LDAH: variants seen among roughly 807,000 people sequenced by gnomAD.
The protein encoded by LDAH is lipid droplet-associated hydrolase.
A neutral mutation model predicts 29.6 loss-of-function variants in LDAH; 26 were observed. The observed-to-expected ratio is 0.88, with a 90% CI of 0.64 to 1.22. LDAH has a LOEUF of 1.22. Among genes scored for constraint, LDAH ranks in the 50% most tolerant of loss-of-function variants. The pLI, the probability that LDAH is intolerant of heterozygous loss-of-function variation, is 0.00. For missense variants in LDAH, 344 were observed against 387.3 expected (o/e 0.89, Z 0.94); for synonymous variants, 117 against 133.0 (o/e 0.88, Z 0.83).
intron 2 of LDAH, among the ~76,000 whole-genome samples, chr2:20,795,209 G>C (rs896213360): frequency 6.6e-6 from 1 of 152,196 alleles, no homozygotes; most frequent in African/African-American, 2.4e-5. Context: ...AGAAGTTGTA[G>C]TGATCATCTC....
At chr2:20,756,110 C>A (rs1461942160) in intron 4 of LDAH, among the ~76,000 whole-genome samples, 1 of 152,026 alleles carries the variant, frequency 6.6e-6, no homozygotes, top group Admixed American at 6.5e-5. Context: ...TGGCTCCGGG[C>A]AACCTCCTCT....
intron 6 of LDAH, among the ~76,000 whole-genome samples, chr2:20,695,746 C>T (rs550808751): frequency 9.5e-4 from 145 of 152,194 alleles, no homozygotes; most frequent in Non-Finnish European, 1.8e-3. Context: ...CCGTGCCCGG[C>T]GGAGATACTC....
chr2:20,713,820 A>G (rs1022690938), intron 5 of LDAH, among the ~76,000 whole-genome samples: 1 of 152,246 alleles, frequency 6.6e-6, no homozygotes, highest in Non-Finnish European at 1.5e-5. Flanking sequence ...CAATTCAACA[A>G]GAAGAGCTAA....
At chr2:20,794,368 G>C (rs1671173946) in intron 2 of LDAH, among the ~76,000 whole-genome samples, 1 of 152,048 alleles carries the variant, frequency 6.6e-6, no homozygotes, top group Non-Finnish European at 1.5e-5. Flanking sequence ...TATCAAGAAA[G>C]AAATATATTC....
intron 4 of LDAH, among the ~76,000 whole-genome samples, chr2:20,743,945 T>C (rs1325365598): frequency 6.6e-6 from 1 of 151,888 alleles, no homozygotes; most frequent in Non-Finnish European, 1.5e-5. Context: ...TGTTGAGACA[T>C]TCTCAGGCTC....
At chr2:20,791,844 T>C (rs1670978468) in intron 2 of LDAH, among the ~76,000 whole-genome samples, 1 of 152,316 alleles carries the variant, frequency 6.6e-6, no homozygotes, top group Middle Eastern at 3.4e-3. Flanking sequence ...CCATTTATTA[T>C]ATAATCCATT....
At chr2:20,785,901 C>T (rs1213141115) in intron 3 of LDAH, among the ~76,000 whole-genome samples, 4 of 152,018 alleles carry the variant, frequency 2.6e-5, no homozygotes, top group Admixed American at 6.6e-5. Flanking sequence ...CTTGCATTAC[C>T]CATCTGTTCT....
intron 4 of LDAH, among the ~76,000 whole-genome samples, chr2:20,761,081 A>G (rs916729481): frequency 1.3e-5 from 2 of 152,048 alleles, no homozygotes; most frequent in African/African-American, 4.8e-5. Flanking sequence ...CTGAATTAGT[A>G]TTGCTCCTTT....
chr2:20,728,147 T>A (rs1018915519), intron 5 of LDAH, among the ~76,000 whole-genome samples: 1 of 152,348 alleles, frequency 6.6e-6, no homozygotes, highest in Middle Eastern at 3.4e-3. Context: ...AGGGCAGGAT[T>A]TATTATCCAC....
intron 5 of LDAH, among the ~76,000 whole-genome samples, chr2:20,726,645 G>C (rs1321553924): frequency 6.6e-6 from 1 of 151,960 alleles, no homozygotes; most frequent in Non-Finnish European, 1.5e-5. Flanking sequence ...GTGAAAACTA[G>C]ACCTAAAAAA....
At position 20,743,059 on chromosome 2, in the gene LDAH, G is replaced by A. The variant is rs1015946109; in HGVS notation, c.469-2854C>T. ...ATTACAGGTGTGAGCCACCACACCA[G>A]GCCTATTTGGTGCACTTAGACCACT... On this transcript the variant is annotated intron_variant, in intron 4 of 6. Transcript: ENST00000237822. Among the ~76,000 whole-genome samples the A allele has an allele frequency of 2.6e-5, 4 of 152,046 alleles. No individual in the cohort carries two copies. In the South Asian group the frequency reaches 6.2e-4, roughly 24 times the overall value.
At chr2:20,759,424 TCTTTCATTTAGTGCCTAG>T (rs1558450333) in intron 4 of LDAH, among the ~76,000 whole-genome samples, 3 of 152,194 alleles carry the variant, frequency 2.0e-5, no homozygotes, top group Non-Finnish European at 4.4e-5. Flanking sequence ...TTGTGAAGCA[TCTTTCATTTAGTGCCTAG>T]CTTTCATTTA....
At position 20,685,677 on chromosome 2, in the gene LDAH, T is replaced by C; in HGVS notation, c.*1226A>G. 6.5e-7 allele frequency: 1 copy of C among 1,547,216 alleles called. No individual in the cohort carries two copies. The highest frequency in any genetic ancestry group is 1.4e-5 in the African/African-American group (1 of 73,082). ...TTTCCTCTAGGAGAAAAAGGAATATTTCTGATCCATGATCAACTGTCACTG... is the reference window on the plus strand; with the variant it reads ...TTTCCTCTAGGAGAAAAAGGAATATCTCTGATCCATGATCAACTGTCACTG... On this transcript the variant is annotated 3_prime_UTR_variant, in exon 7 of 7. Coordinates refer to ENST00000237822, the MANE Select transcript of LDAH (RefSeq NM_021925.4).
At chr2:20,790,472 G>A in intron 2 of LDAH, 74 bp from the exon 3 acceptor site, 1 of 1,285,822 alleles carries the variant, frequency 7.8e-7, no homozygotes, top group South Asian at 1.3e-5. Flanking sequence ...GGCTAGAAAA[G>A]ATGGGTCTGT....
At position 20,801,414 on chromosome 2, in the gene LDAH, A is replaced by T. The variant is rs1315898575; in HGVS notation, c.50T>A (p.Leu17Ter). 1 of 1,614,154 alleles carries T rather than the reference A, an allele frequency of 6.2e-7. No individual in the cohort carries two copies. Among genetic ancestry groups the T allele is most frequent in the Non-Finnish European group, 8.5e-7 (1 of 1,180,000 alleles). The change falls in exon 2 of 7, where the codon TTG becomes TAG. Residue 17 changes from leucine (L) to a stop codon, truncating the protein, a stop_gained. Transcript: ENST00000237822. LOFTEE classifies it high-confidence loss of function. ...AACCTGGGTTTCGGCTCCACCACACAAAATGAATTCCTCATGCACAGGAAT... is the reference window on the plus strand; with the variant it reads ...AACCTGGGTTTCGGCTCCACCACACTAAATGAATTCCTCATGCACAGGAAT... ...EEIPVHEEFI[L>*]CGGAETQVLK... is the part of the protein sequence containing the mutation.
intron 4 of LDAH, among the ~76,000 whole-genome samples, chr2:20,770,046 T>A (rs1669301627): frequency 6.6e-6 from 1 of 152,222 alleles, no homozygotes; most frequent in African/African-American, 2.4e-5. Context: ...TCCTTTTGAT[T>A]ACATTTTATT....
At chr2:20,749,586 C>G (rs1394849850) in intron 4 of LDAH, among the ~76,000 whole-genome samples, 1 of 152,164 alleles carries the variant, frequency 6.6e-6, no homozygotes, top group Non-Finnish European at 1.5e-5. Context: ...GCCACAGAAG[C>G]TGCCCCAGGA....
Position 20,686,759 on chromosome 2 carries a change from C to T in LDAH, c.*144G>A, listed in dbSNP as rs140176835. 7.9e-4 allele frequency: 543 copies of T among 683,520 alleles called. 1 individual carries two copies. In the African/African-American group the frequency reaches 8.9e-3, roughly 11 times the overall value. 42.3% of individuals were successfully genotyped at this position (683,520 alleles called of 1,614,324 possible). On this transcript the variant is annotated 3_prime_UTR_variant, in exon 7 of 7. Coordinates refer to ENST00000237822, the MANE Select transcript of LDAH (RefSeq NM_021925.4). ...GTGTTTACTTCAGCCTATAACATGG[C>T]GAGCGGAGAGTTGGTTTGTAAGACA... is the stretch of plus-strand genomic sequence containing the variant.
chr2:20,771,907 T>C (rs1485284261), intron 4 of LDAH, among the ~76,000 whole-genome samples: 1 of 152,240 alleles, frequency 6.6e-6, no homozygotes, highest in African/African-American at 2.4e-5. Context: ...GTTTGAGTTG[T>C]GTCTCCACAA....
Sources: allele counts gnomAD v4.1 joint callset (sites outside exome capture counted in the v4.1 genomes callset), GRCh38; gene constraint gnomAD v4.1.1; transcripts MANE v1.5; gene names NCBI Gene and HGNC (gene_info 2026-07-23, HGNC 2026-07-21).